The following KMT2E variants were observed in gnomAD, a reference collection of about 807,000 sequenced individuals.
The protein encoded by KMT2E is histone reader KMT2E.
Under a neutral mutation model 184.6 loss-of-function variants are expected in KMT2E, and 30 were observed. The observed-to-expected ratio is 0.16, with a 90% CI of 0.12 to 0.22. The LOEUF (loss-of-function observed/expected upper bound fraction) is 0.22. Among genes scored for constraint, KMT2E ranks in the 10% least tolerant of loss-of-function variants. The pLI is 1.00. For missense variants in KMT2E, 2,023 were observed against 2,237.4 expected (o/e 0.90, Z 1.93); for synonymous variants, 815 against 776.5 (o/e 1.05, Z -0.82).
intron 23 of KMT2E, 68 bp from the exon 24 acceptor site, chr7:105,110,212 C>T (rs1799151159): frequency 8.1e-7 from 1 of 1,241,726 alleles, no homozygotes; most frequent in South Asian, 1.2e-5. Context: ...TACATGTTGA[C>T]TATGAAGCAA....
At position 105,110,888 on chromosome 7, in the gene KMT2E, G is replaced by A. The variant is rs191785429; in HGVS notation, c.4068+20G>A. ...AGCAAGGTAATAACATTGACCTTTC[G>A]ATGGGTTCCAAAGGACTTTAGGTTG... On this transcript the variant is annotated intron_variant, in intron 26 of 26. Transcript: ENST00000311117. 2,549 of 1,554,584 alleles carry A rather than the reference G, an allele frequency of 1.6e-3. 12 individuals are homozygous for A. The highest frequency in any genetic ancestry group is 2.1e-3 in the South Asian group (193 of 89,824).
intron 1 of KMT2E, among the ~76,000 whole-genome samples, chr7:105,025,860 G>T (rs1233633193): frequency 6.6e-6 from 1 of 152,154 alleles, no homozygotes; most frequent in Non-Finnish European, 1.5e-5. Flanking sequence ...ATGACTAAAA[G>T]ATTACAGGGA....
intron 15 of KMT2E, among the ~76,000 whole-genome samples, chr7:105,098,668 T>C (rs958998145): frequency 6.6e-6 from 1 of 152,162 alleles, no homozygotes; most frequent in African/African-American, 2.4e-5. Flanking sequence ...CCCAAAGTGC[T>C]GGGATTACAG....
chr7:105,073,654 G>A lies in KMT2E; in HGVS notation c.533G>A (p.Arg178His), dbSNP rs1414044005. 7 of 1,605,162 alleles carry A rather than the reference G, an allele frequency of 4.4e-6. No individual in the cohort carries two copies. The highest frequency in any genetic ancestry group is 4.5e-5 in the East Asian group (2 of 44,748). Residue 178 changes from arginine to histidine, a missense_variant, in exon 7 of 27, where the codon CGC (arginine) becomes CAC (histidine). Transcript: ENST00000311117. Reference protein sequence around the residue: ...LDKERAVLLQRRKRENMSDGD... With the variant: ...LDKERAVLLQHRKRENMSDGD... The stretch of plus-strand genomic sequence containing the variant: ...AAAGAGAGGGCAGTGCTACTACAAC[G>A]CCGGAAAAGGGAAAATATGTCAGGT...
rs1163982347 is a variant in KMT2E at position 105,109,211 on chromosome 7, T to G, written c.3738T>G (p.Asn1246Lys). The G allele has an allele frequency of 7.4e-6, 12 of 1,613,744 alleles. No individual in the cohort carries two copies. Among genetic ancestry groups the G allele is most frequent in the Non-Finnish European group, 1.0e-5 (12 of 1,179,886 alleles). Residue 1246 changes from asparagine to lysine, a missense_variant, in exon 23 of 27, where the codon AAT becomes AAG. Around this residue, in one of 8 missense-constraint regions of KMT2E, gnomAD observed 1,108 missense variants for 1,050.9 expected, o/e 1.05. Coordinates refer to ENST00000311117, the MANE Select transcript of KMT2E (RefSeq NM_182931.3). ...AGGATGCTACTGCTAGTGAGAAGAA[T>G]GAACCAGAAGTTCAATGGTAAGCCC... ...PVKDATASEK[N>K]EPEVQWTAST... is the part of the protein sequence containing the mutation.
At position 105,040,849 on chromosome 7, in the gene KMT2E, T is replaced by C; in HGVS notation, c.-104T>C. On this transcript the variant is annotated 5_prime_UTR_variant, in exon 3 of 27. An upstream start codon of the reference 5' UTR is lost. Coordinates refer to ENST00000311117, the MANE Select transcript of KMT2E (RefSeq NM_182931.3). ...TTTTCTTTTAAACAGGGTTTGTGGA[T>C]GCACTTAGATGTTTGCAATGAGCAC... 1 of 661,288 alleles carries C rather than the reference T, an allele frequency of 1.5e-6. No homozygotes were observed. The highest frequency in any genetic ancestry group is 2.6e-6 in the Non-Finnish European group (1 of 379,528). 41.0% of individuals were successfully genotyped at this position (661,288 alleles called of 1,614,324 possible).
chr7:105,036,351 T>C (rs1415425754), intron 1 of KMT2E, among the ~76,000 whole-genome samples: 5 of 151,998 alleles, frequency 3.3e-5, no homozygotes, highest in African/African-American at 1.2e-4. Flanking sequence ...GTATTTTTAG[T>C]AGGGACACGG....
At chr7:105,074,348 G>A (rs1178699394) in intron 7 of KMT2E, among the ~76,000 whole-genome samples, 3 of 152,218 alleles carry the variant, frequency 2.0e-5, no homozygotes, top group African/African-American at 7.2e-5. Context: ...AGATATGGCT[G>A]AATTGTCCTT....
chr7:105,083,810 G>C (rs1003575414), intron 13 of KMT2E, among the ~76,000 whole-genome samples: 4 of 152,172 alleles, frequency 2.6e-5, no homozygotes, highest in African/African-American at 9.7e-5. Flanking sequence ...TGGTGTCTGA[G>C]AACTCATCTG....
At chr7:105,095,281 A>G (rs1798358417) in intron 15 of KMT2E, among the ~76,000 whole-genome samples, 1 of 152,294 alleles carries the variant, frequency 6.6e-6, no homozygotes, top group Middle Eastern at 3.4e-3. Flanking sequence ...TGTATATTTA[A>G]TATATTTTTG....
chr7:105,073,718 T>C (rs1383728355), intron 7 of KMT2E, 41 bp downstream of exon 7: 7 of 1,216,822 alleles, frequency 5.8e-6, no homozygotes, highest in Non-Finnish European at 8.5e-6. Context: ...ATTCGTGTGA[T>C]TGAGAGAATA....
In KMT2E at chr7:105,113,226, G is replaced by C; in HGVS notation, c.5470G>C (p.Val1824Leu). The C allele has an allele frequency of 6.2e-7, 1 of 1,614,200 alleles. No homozygotes were observed. Among genetic ancestry groups the C allele is most frequent in the Non-Finnish European group, 8.5e-7 (1 of 1,180,036 alleles). The change falls in exon 27 of 27, where the codon GTT becomes CTT. Residue 1824 changes from valine (V) to leucine (L), a missense_variant. By Grantham distance (32) the Val-to-Leu change is conservative. Transcript: ENST00000311117. ...HPGSVALPHG[V>L]QGPQQASPVP... is the part of the protein sequence containing the mutation. ...TGGCTCTGTGGCCCTGCCACATGGG[G>C]TTCAAGGACCTCAGCAGGCATCTCC...
chr7:105,037,738 T>G (rs1434358678), intron 1 of KMT2E, among the ~76,000 whole-genome samples: 1 of 152,200 alleles, frequency 6.6e-6, no homozygotes, highest in Admixed American at 6.5e-5. Context: ...TTTTCTACTT[T>G]AATTGCTTTT....
chr7:105,020,832 A>C (rs1041445997), intron 1 of KMT2E, among the ~76,000 whole-genome samples: 2 of 152,222 alleles, frequency 1.3e-5, no homozygotes, highest in Admixed American at 1.3e-4. Flanking sequence ...GGTTTTTAGT[A>C]AAAAGTGAGG....
rs371178094 is a variant in KMT2E at position 105,062,292 on chromosome 7, A to C, written c.186+14A>C. On this transcript the variant is annotated intron_variant, in intron 4 of 26. Coordinates refer to ENST00000311117, the MANE Select transcript of KMT2E (RefSeq NM_182931.3). ...TTGCCCTATGCGGTAAGTGTTAAAC[A>C]CTTCTTTGAAAAAACATTTTTAAAT... 5.2e-6 allele frequency: 8 copies of C among 1,531,132 alleles called. No individual in the cohort carries two copies. Among genetic ancestry groups the C allele is most frequent in the African/African-American group, 1.4e-5 (1 of 72,924 alleles). 94.8% of individuals were successfully genotyped at this position (1,531,132 alleles called of 1,614,324 possible).
intron 9 of KMT2E, among the ~76,000 whole-genome samples, chr7:105,076,301 A>G (rs1385990169): frequency 6.6e-6 from 1 of 152,206 alleles, no homozygotes; most frequent in African/African-American, 2.4e-5. Flanking sequence ...TATATAAGCA[A>G]TTTCTAATTT....
chr7:105,089,109 A>T (rs1184405353), intron 13 of KMT2E: 1 of 270,220 alleles, frequency 3.7e-6, no homozygotes, highest in Admixed American at 5.4e-5. Flanking sequence ...AAAAGACTCA[A>T]AGTTTTAATG....
chr7:105,105,091 C>T (rs1428687442), intron 17 of KMT2E: 2 of 171,556 alleles, frequency 1.2e-5, no homozygotes, highest in Non-Finnish European at 2.4e-5. Context: ...ACACCTGAGC[C>T]CAGGGGGCGG....
In KMT2E at chr7:105,108,935, G is replaced by A. The variant is rs575788412; in HGVS notation, c.3469-7G>A. 2.0e-5 allele frequency: 31 copies of A among 1,588,108 alleles called. No homozygotes were observed. In the South Asian group the frequency reaches 2.9e-4, roughly 15 times the overall value. ...AGATTTGCTTTTTCTCATCTTTCTT[G>A]CTTAAGGTTTCTCTATTAGAATACC... On this transcript the variant is annotated splice_region_variant and splice_polypyrimidine_tract_variant and intron_variant, in intron 22 of 26. Transcript: ENST00000311117.
Sources: allele counts gnomAD v4.1 joint callset (sites outside exome capture counted in the v4.1 genomes callset), GRCh38; gene constraint gnomAD v4.1.1; regional missense constraint gnomAD v4.1.1; transcripts MANE v1.5; gene names NCBI Gene and HGNC (gene_info 2026-07-23, HGNC 2026-07-21).